Variants in PTPRG observed in about 807,000 individuals in gnomAD.
PTPRG encodes protein tyrosine phosphatase receptor type G, also known as receptor-type tyrosine-protein phosphatase gamma.
A neutral mutation model predicts 165.3 loss-of-function variants in PTPRG; 102 were observed. The ratio of observed to expected loss-of-function variants is 0.62; its 90% CI spans 0.53 to 0.73. The LOEUF (loss-of-function observed/expected upper bound fraction) is 0.73. Ranked by LOEUF, PTPRG falls within the 30% of genes least tolerant of loss-of-function variation. The probability of loss-of-function intolerance (pLI) is 0.00; values close to 1 mark genes in which losing one functional copy is unlikely to be tolerated. For missense variants in PTPRG, 1,866 were observed against 1,861.4 expected (o/e 1.00, Z -0.05); for synonymous variants, 675 against 669.5 (o/e 1.01, Z -0.13).
At chr3:61,884,453 G>T (rs2037973676) in intron 2 of PTPRG, among the ~76,000 whole-genome samples, 1 of 152,192 alleles carries the variant, frequency 6.6e-6, no homozygotes, top group Non-Finnish European at 1.5e-5. Flanking sequence ...TAGAAATTGT[G>T]TCAAGTCATG....
chr3:61,570,181 T>C (rs1468045325), intron 1 of PTPRG, among the ~76,000 whole-genome samples: 1 of 152,170 alleles, frequency 6.6e-6, no homozygotes, highest in Non-Finnish European at 1.5e-5. Flanking sequence ...CCTGTCTCTA[T>C]ATGTTCATGG....
At chr3:62,288,138 CT>C (rs1307140406) in intron 28 of PTPRG, among the ~76,000 whole-genome samples, 1 of 133,730 alleles carries the variant, frequency 7.5e-6, no homozygotes, top group Non-Finnish European at 1.6e-5. Context: ...CCAAACTGTA[CT>C]TAAAAAAAAA....
chr3:61,958,056 A>G (rs2040072201), intron 2 of PTPRG, among the ~76,000 whole-genome samples: 1 of 152,032 alleles, frequency 6.6e-6, no homozygotes, highest in Admixed American at 6.6e-5. Context: ...AGACTTTATT[A>G]TTATTATTAC....
Position 61,818,701 on chromosome 3 carries a change from T to C in PTPRG, c.190+69719T>C, listed in dbSNP as rs553039880. 4.3e-4 allele frequency among the ~76,000 whole-genome samples: 65 copies of C among 151,940 alleles called. No individual in the cohort carries two copies. In the South Asian group the frequency reaches 0.013, roughly 30 times the overall value. On this transcript the variant is annotated intron_variant, in intron 2 of 29. Transcript: ENST00000474889. ...AAAAGGGAGAAAAGAAAAAGTTGTA[T>C]AGAGGCTGCCTAAAGGAGAACCAAA...
At chr3:61,589,286 T>C (rs1700509117) in intron 1 of PTPRG, among the ~76,000 whole-genome samples, 1 of 152,160 alleles carries the variant, frequency 6.6e-6, no homozygotes, top group South Asian at 2.1e-4. Context: ...TTATATGGCC[T>C]GTTACAGAAA....
intron 1 of PTPRG, among the ~76,000 whole-genome samples, chr3:61,602,189 T>C (rs1700888048): frequency 6.6e-6 from 1 of 152,140 alleles, no homozygotes; most frequent in Non-Finnish European, 1.5e-5. Context: ...TGGGTACTTC[T>C]AGCCTTTTGG....
At chr3:62,076,010 T>TC (rs1701368756) in intron 4 of PTPRG, among the ~76,000 whole-genome samples, 1 of 152,164 alleles carries the variant, frequency 6.6e-6, no homozygotes, top group Non-Finnish European at 1.5e-5. Flanking sequence ...GCGCAGTGGT[T>TC]CGTGCATGTA....
Position 62,292,804 on chromosome 3 carries a change from G to A in PTPRG, c.4191+248G>A, listed in dbSNP as rs765504955. The A allele has an allele frequency of 7.2e-4, 360 of 498,366 alleles. 1 individual carries two copies. The highest frequency in any genetic ancestry group is 2.8e-4 in the South Asian group (8 of 28,474). 30.9% of individuals were successfully genotyped at this position (498,366 alleles called of 1,614,324 possible). On this transcript the variant is annotated intron_variant, in intron 29 of 29. Transcript: ENST00000474889. ...ACCATAGAATTATGTGGCCCAAAATGTCAGTAGTGCTCAGGTTGAGAAGCC... is the reference window on the plus strand; with the variant it reads ...ACCATAGAATTATGTGGCCCAAAATATCAGTAGTGCTCAGGTTGAGAAGCC...
chr3:61,941,433 G>A (rs1266706790), intron 2 of PTPRG, among the ~76,000 whole-genome samples: 1 of 152,070 alleles, frequency 6.6e-6, no homozygotes, highest in Non-Finnish European at 1.5e-5. Flanking sequence ...GACCGTCCTG[G>A]CCAACATGAT....
At chr3:61,887,511 A>G (rs2038085190) in intron 2 of PTPRG, among the ~76,000 whole-genome samples, 1 of 152,112 alleles carries the variant, frequency 6.6e-6, no homozygotes, top group Non-Finnish European at 1.5e-5. Context: ...AAAAAACCAA[A>G]CCAAATGCAG....
At chr3:62,165,691 G>A (rs973207626) in intron 7 of PTPRG, among the ~76,000 whole-genome samples, 1 of 152,154 alleles carries the variant, frequency 6.6e-6, no homozygotes, top group Non-Finnish European at 1.5e-5. Flanking sequence ...GTAAAAGGCA[G>A]AAAAAATTCC....
At chr3:62,286,319 C>T (rs190766413) in intron 28 of PTPRG, among the ~76,000 whole-genome samples, 4 of 152,192 alleles carry the variant, frequency 2.6e-5, no homozygotes, top group Admixed American at 6.6e-5. Context: ...GATACTTATT[C>T]CAGCTTCAAT....
At chr3:61,934,390 C>T (rs924779219) in intron 2 of PTPRG, among the ~76,000 whole-genome samples, 5 of 152,006 alleles carry the variant, frequency 3.3e-5, no homozygotes, top group East Asian at 3.9e-4. Flanking sequence ...TATCTTTTCT[C>T]GGTGTGTGCA....
chr3:62,041,972 A>G (rs1700143208), intron 4 of PTPRG, among the ~76,000 whole-genome samples: 1 of 152,116 alleles, frequency 6.6e-6, no homozygotes, highest in Non-Finnish European at 1.5e-5. Flanking sequence ...TCCTTGTTTA[A>G]TGAATGATTA....
intron 4 of PTPRG, among the ~76,000 whole-genome samples, chr3:62,053,561 C>G (rs1311681545): frequency 6.6e-6 from 1 of 152,172 alleles, no homozygotes; most frequent in African/African-American, 2.4e-5. Flanking sequence ...GCCATCATGC[C>G]TGGCCTTCCT....
At position 62,203,872 on chromosome 3, in the gene PTPRG, C is replaced by T; in HGVS notation, c.2077C>T (p.Pro693Ser). Residue 693 changes from proline to serine, a missense_variant, in exon 12 of 30, where the codon CCC becomes TCC. Pro to Ser is a moderately conservative substitution (Grantham distance 74). Coordinates refer to ENST00000474889, the MANE Select transcript of PTPRG (RefSeq NM_002841.4). This position sits in a 1 kb window ranked among gnomAD's most constrained non-coding sequence, Gnocchi z 6.4. ...EQYAGSDPKR[P>S]EMPSKKPMSR... ...GTATGCAGGGAGTGATCCCAAGAGGCCCGAAATGCCATCTAAAAAGCCTAT... is the reference window on the plus strand; with the variant it reads ...GTATGCAGGGAGTGATCCCAAGAGGTCCGAAATGCCATCTAAAAAGCCTAT... 1 of 1,613,588 alleles carries T rather than the reference C, an allele frequency of 6.2e-7. No homozygotes were observed. Among genetic ancestry groups the T allele is most frequent in the Non-Finnish European group, 8.5e-7 (1 of 1,179,768 alleles).
intron 6 of PTPRG, among the ~76,000 whole-genome samples, chr3:62,134,747 A>T (rs906313115): frequency 6.6e-6 from 1 of 152,212 alleles, no homozygotes; most frequent in East Asian, 1.9e-4. Context: ...AACCATGTTG[A>T]TGTGGCACGC....
At chr3:62,180,728 A>G (rs769888636) in intron 8 of PTPRG, among the ~76,000 whole-genome samples, 1 of 152,156 alleles carries the variant, frequency 6.6e-6, no homozygotes, top group Non-Finnish European at 1.5e-5. Flanking sequence ...GAGCTGAACA[A>G]TGCTCTTTCC....
chr3:62,134,501 G>A (rs1276301157), intron 6 of PTPRG, among the ~76,000 whole-genome samples: 3 of 152,080 alleles, frequency 2.0e-5, no homozygotes, highest in African/African-American at 7.2e-5. Flanking sequence ...TTCTTCCTTC[G>A]CTTGTGCCAA....
Sources: allele counts gnomAD v4.1 joint callset (sites outside exome capture counted in the v4.1 genomes callset), GRCh38; gene constraint gnomAD v4.1.1; non-coding constraint Gnocchi (gnomAD v3.1); transcripts MANE v1.5; gene names NCBI Gene and HGNC (gene_info 2026-07-23, HGNC 2026-07-21).